Variants in MYCBP2 observed in about 807,000 individuals in gnomAD.
MYCBP2 encodes E3 ubiquitin-protein ligase MYCBP2.
In MYCBP2, 120 loss-of-function variants were observed where a neutral mutation model predicts 525.3. That is an observed-to-expected ratio of 0.23 (90% confidence interval 0.20 to 0.27). The LOEUF is 0.27. MYCBP2 is among the 10% of genes least tolerant of loss of function. The pLI is 1.00. For synonymous variants in MYCBP2, 1,894 were observed against 1,955.8 expected (o/e 0.97, Z 0.83); for missense variants, 4,149 against 5,657.1 (o/e 0.73, Z 8.55).
intron 68 of MYCBP2, among the ~76,000 whole-genome samples, chr13:77,070,986 T>G (rs549231033): frequency 3.9e-4 from 60 of 152,274 alleles, no homozygotes; most frequent in African/African-American, 1.4e-3. Flanking sequence ...TTAAATCTAT[T>G]TCTAAATTGT....
chr13:77,278,953 G>T, intron 3 of MYCBP2, 42 bp from the exon 4 acceptor site: 1 of 1,413,360 alleles, frequency 7.1e-7, no homozygotes, highest in East Asian at 2.5e-5. Flanking sequence ...TGACATGTAA[G>T]CTAGTAACAC....
rs540595051 is a variant in MYCBP2, at chr13:77,051,458, A to C, written c.13756-296T>G. ...GAATGTTTTATGGCTGGTCAAACTGAAAATTAATGAAATTAACCTCTCTTA... is the reference window on the plus strand; with the variant it reads ...GAATGTTTTATGGCTGGTCAAACTGCAAATTAATGAAATTAACCTCTCTTA... On this transcript the variant is annotated intron_variant, in intron 81 of 82. Transcript: ENST00000544440. 3.9e-3 allele frequency among the ~76,000 whole-genome samples: 599 copies of C among 152,340 alleles called. 1 individual carries two copies. Among genetic ancestry groups the C allele is most frequent in the Non-Finnish European group, 5.9e-3 (400 of 68,040 alleles).
chr13:77,140,363 A>G (rs998970854), intron 50 of MYCBP2, among the ~76,000 whole-genome samples, 200 bp from the exon 51 acceptor site: 3 of 152,252 alleles, frequency 2.0e-5, no homozygotes, highest in Admixed American at 6.5e-5. Context: ...AATGTGTATT[A>G]CTGAAAATAA....
chr13:77,167,455 T>G (rs984739794), intron 40 of MYCBP2, among the ~76,000 whole-genome samples: 3 of 152,062 alleles, frequency 2.0e-5, no homozygotes, highest in Non-Finnish European at 4.4e-5. Flanking sequence ...GGATCCAGTT[T>G]CTTCAACAAA....
intron 46 of MYCBP2, among the ~76,000 whole-genome samples, chr13:77,152,075 G>A (rs180781661): frequency 2.0e-5 from 3 of 152,308 alleles, no homozygotes; most frequent in African/African-American, 7.2e-5. Context: ...TTAAGTAATT[G>A]AGAGCTACCT....
At chr13:77,258,422 A>G (rs1016003958) in intron 13 of MYCBP2, among the ~76,000 whole-genome samples, 8 of 152,184 alleles carry the variant, frequency 5.3e-5, no homozygotes, top group Admixed American at 3.9e-4. Context: ...TATGTTTTGT[A>G]TCAACTCTAA....
In MYCBP2 at chr13:77,326,342, C is replaced by T. The variant is rs2082305526; in HGVS notation, c.302+132G>A. ...GATAAGTGCTCCTGCCAACAGACAT[C>T]CAGAGCGGACTGAAAGCTCAATAAA... is the stretch of plus-strand genomic sequence containing the variant. On this transcript the variant is annotated intron_variant, in intron 1 of 82. Coordinates refer to ENST00000544440, the MANE Select transcript of MYCBP2 (RefSeq NM_015057.5). This position sits in a 1 kb window ranked among gnomAD's most constrained non-coding sequence, Gnocchi z 4.2. 1 of 892,454 alleles carries T rather than the reference C, an allele frequency of 1.1e-6. No homozygotes were observed. Among genetic ancestry groups the T allele is most frequent in the East Asian group, 3.2e-5 (1 of 31,636 alleles). 55.3% of individuals were successfully genotyped at this position (892,454 alleles called of 1,614,324 possible). A position where few individuals can be genotyped will look rare whatever the true frequency, so the allele number is the denominator to read the frequency against.
At chr13:77,212,211 AT>A (rs780815773) in intron 21 of MYCBP2, 51 bp from the exon 22 acceptor site, 12 of 1,523,704 alleles carry the variant, frequency 7.9e-6, no homozygotes, top group Non-Finnish European at 1.1e-5. Context: ...AAACAATCTA[AT>A]TTTCATAAAG....
At chr13:77,202,446 G>A (rs1412616297) in intron 26 of MYCBP2, among the ~76,000 whole-genome samples, 1 of 152,152 alleles carries the variant, frequency 6.6e-6, no homozygotes. Flanking sequence ...TGGATTCACA[G>A]CCGAATTCTA....
At position 77,267,823 on chromosome 13, in the gene MYCBP2, T is replaced by C. The variant is rs2074319353; in HGVS notation, c.1357+18A>G. 1 of 1,586,586 alleles carries C rather than the reference T, an allele frequency of 6.3e-7. No homozygotes were observed. The highest frequency in any genetic ancestry group is 2.2e-5 in the East Asian group (1 of 44,666). ...CTTAAAATTGCTTGTGGAGAAAAAA[T>C]GACTACTTGAAACATACCTGGTAAC... is the stretch of plus-strand genomic sequence containing the variant. On this transcript the variant is annotated intron_variant, in intron 8 of 82. Transcript: ENST00000544440.
intron 7 of MYCBP2, among the ~76,000 whole-genome samples, chr13:77,269,230 T>A (rs2074520242): frequency 6.6e-6 from 1 of 152,240 alleles, no homozygotes; most frequent in Non-Finnish European, 1.5e-5. Context: ...AGCTGTCTAC[T>A]GAGTAGGCCA....
intron 80 of MYCBP2, among the ~76,000 whole-genome samples, chr13:77,053,498 C>T (rs962315999): frequency 2.0e-5 from 3 of 152,136 alleles, no homozygotes; most frequent in South Asian, 2.1e-4. Context: ...TATAAACGGT[C>T]GTTCACCAGC....
chr13:77,324,488 A>G (rs963658754), intron 1 of MYCBP2, among the ~76,000 whole-genome samples: 1 of 152,252 alleles, frequency 6.6e-6, no homozygotes, highest in Non-Finnish European at 1.5e-5. Flanking sequence ...ATTCTTAATC[A>G]AATCATCAAT....
intron 3 of MYCBP2, among the ~76,000 whole-genome samples, chr13:77,284,881 ATG>A (rs1200095480): frequency 8.5e-5 from 13 of 152,192 alleles, no homozygotes. Context: ...TGAGGCACGG[ATG>A]TGTCAAATAA....
intron 55 of MYCBP2, among the ~76,000 whole-genome samples, chr13:77,100,998 CA>C (rs1012423799): frequency 2.0e-5 from 3 of 152,034 alleles, no homozygotes; most frequent in Non-Finnish European, 2.9e-5. Flanking sequence ...CAGCATATGG[CA>C]AATTTGGTAA....
chr13:77,228,533 C>A (rs2066648372), intron 18 of MYCBP2, among the ~76,000 whole-genome samples: 2 of 151,458 alleles, frequency 1.3e-5, no homozygotes, highest in African/African-American at 4.9e-5. Context: ...TCTGTTCAAG[C>A]TCATTATTCA....
intron 46 of MYCBP2, among the ~76,000 whole-genome samples, chr13:77,154,615 T>G (rs976341483): frequency 1.4e-4 from 22 of 152,048 alleles, no homozygotes; most frequent in Non-Finnish European, 8.8e-5. Flanking sequence ...AACATGGTAT[T>G]AGAATGTTGT....
chr13:77,320,221 G>C (rs2081425474), intron 1 of MYCBP2, among the ~76,000 whole-genome samples: 1 of 152,206 alleles, frequency 6.6e-6, no homozygotes, highest in Non-Finnish European at 1.5e-5. Context: ...GGCAATGCGT[G>C]GAGTGGGACT....
chr13:77,058,078 G>A lies in MYCBP2; in HGVS notation c.13329+140C>T, dbSNP rs1472642134. The A allele has an allele frequency of 3.6e-6, 3 of 829,964 alleles. No homozygotes were observed. The highest frequency in any genetic ancestry group is 5.6e-6 in the Non-Finnish European group (3 of 536,272). The allele number at this position is 829,964 out of a possible 1,614,324, so 51.4% of individuals were successfully genotyped here. ...GATGGTCTCGATCTCCTGACCTCGT[G>A]ATCCACCTGCCTCGGCCTCCCAAAG... is the stretch of plus-strand genomic sequence containing the variant. On this transcript the variant is annotated intron_variant, in intron 78 of 82. Coordinates refer to ENST00000544440, the MANE Select transcript of MYCBP2 (RefSeq NM_015057.5). The surrounding 1 kb of genome is among the most constrained non-coding windows in gnomAD (Gnocchi z 4.1).
Sources: allele counts gnomAD v4.1 joint callset (sites outside exome capture counted in the v4.1 genomes callset), GRCh38; gene constraint gnomAD v4.1.1; non-coding constraint Gnocchi (gnomAD v3.1); transcripts MANE v1.5; gene names NCBI Gene and HGNC (gene_info 2026-07-23, HGNC 2026-07-21).